Variants in MAGI2 observed in about 807,000 individuals in gnomAD.
MAGI2 encodes membrane associated guanylate kinase, WW and PDZ domain containing 2, also known as membrane-associated guanylate kinase, WW and PDZ domain-containing protein 2.
Under a neutral mutation model 133.3 loss-of-function variants are expected in MAGI2, and 35 were observed. The observed-to-expected ratio is 0.26, with a 90% CI of 0.20 to 0.35. The LOEUF is 0.35. Ranked by LOEUF, MAGI2 falls within the 10% of genes least tolerant of loss-of-function variation. MAGI2 has a pLI of 1.00. For missense variants in MAGI2, 1,636 were observed against 1,863.4 expected (o/e 0.88, Z 2.25); for synonymous variants, 729 against 710.6 (o/e 1.03, Z -0.41).
At chr7:78,203,000 A>G (rs1829406145) in intron 10 of MAGI2, among the ~76,000 whole-genome samples, 1 of 152,240 alleles carries the variant, frequency 6.6e-6, no homozygotes, top group Admixed American at 6.5e-5. Flanking sequence ...AAACAATTTG[A>G]CCATGAGTTT....
At chr7:79,169,190 GT>G (rs1406211390) in intron 1 of MAGI2, among the ~76,000 whole-genome samples, 5 of 151,864 alleles carry the variant, frequency 3.3e-5, no homozygotes, top group Non-Finnish European at 7.4e-5. Context: ...CTCCATAAAT[GT>G]TGGTATTCCT....
At chr7:79,215,679 T>C (rs1345985666) in intron 1 of MAGI2, among the ~76,000 whole-genome samples, 1 of 151,980 alleles carries the variant, frequency 6.6e-6, no homozygotes, top group East Asian at 1.9e-4. Flanking sequence ...CCCCTATTTC[T>C]GGACTGAACC....
At chr7:78,340,717 C>T (rs1790281666) in intron 9 of MAGI2, among the ~76,000 whole-genome samples, 1 of 152,136 alleles carries the variant, frequency 6.6e-6, no homozygotes, top group Non-Finnish European at 1.5e-5. Flanking sequence ...ACATGATTAT[C>T]TCAAAAGATG....
chr7:78,707,741 T>C (rs1173898290), intron 2 of MAGI2, among the ~76,000 whole-genome samples: 2 of 152,112 alleles, frequency 1.3e-5, no homozygotes, highest in Non-Finnish European at 1.5e-5. Context: ...TTTTTGTGTT[T>C]ATTGCTTTAA....
At chr7:79,101,723 C>CAAAAAAAAAAAAA (rs376256842) in intron 1 of MAGI2, among the ~76,000 whole-genome samples, 5 of 112,702 alleles carry the variant, frequency 4.4e-5, no homozygotes, top group Non-Finnish European at 6.7e-5. Flanking sequence ...GACTCTGTCA[C>CAAAAAAAAAAAAA]AAAAAAAAAA....
intron 3 of MAGI2, among the ~76,000 whole-genome samples, chr7:78,624,257 G>A (rs1584883138): frequency 6.6e-6 from 1 of 152,024 alleles, no homozygotes; most frequent in Non-Finnish European, 1.5e-5. Context: ...CTCCCATTCT[G>A]TAGGTTGTCT....
Position 78,281,642 on chromosome 7 carries a change from C to G in MAGI2, c.1409-25061G>C, listed in dbSNP as rs1181488123. Among the ~76,000 whole-genome samples, 20 of 151,290 alleles carry G rather than the reference C, an allele frequency of 1.3e-4. No homozygotes were observed. The Admixed American group carries it at 1.3e-3, about 10-fold the overall frequency. On this transcript the variant is annotated intron_variant, in intron 9 of 21. Transcript: ENST00000354212. Reference sequence around the variant, plus strand: ...ATGGACTAATACACATACATACTCTCTCATTCTAAATACAGTCACAAGTAG... The same window carrying G: ...ATGGACTAATACACATACATACTCTGTCATTCTAAATACAGTCACAAGTAG...
intron 1 of MAGI2, among the ~76,000 whole-genome samples, chr7:79,183,471 G>T (rs1490322522): frequency 6.6e-6 from 1 of 151,576 alleles, no homozygotes. Context: ...TAAAAAAATT[G>T]TTTTCTTATT....
At chr7:78,340,496 A>G (rs574462758) in intron 9 of MAGI2, among the ~76,000 whole-genome samples, 19 of 152,340 alleles carry the variant, frequency 1.2e-4, no homozygotes, top group African/African-American at 4.6e-4. Context: ...TGGCAGAGAT[A>G]CAACAAAAAA....
intron 3 of MAGI2, among the ~76,000 whole-genome samples, chr7:78,612,488 GAATA>G (rs1446247299): frequency 1.3e-5 from 2 of 151,964 alleles, no homozygotes; most frequent in Non-Finnish European, 2.9e-5. Context: ...TAGAAAACAA[GAATA>G]AATGAAAACA....
At chr7:78,976,525 C>G (rs1285877659) in intron 2 of MAGI2, among the ~76,000 whole-genome samples, 1 of 151,326 alleles carries the variant, frequency 6.6e-6, no homozygotes, top group Non-Finnish European at 1.5e-5. Flanking sequence ...TGGATGCCTT[C>G]CCTCTGAGAT....
At chr7:78,948,472 T>C (rs1801610736) in intron 2 of MAGI2, among the ~76,000 whole-genome samples, 3 of 152,052 alleles carry the variant, frequency 2.0e-5, no homozygotes, top group Admixed American at 2.0e-4. Flanking sequence ...TGAGATTACT[T>C]TGGTTCACTG....
At chr7:78,641,579 T>C (rs1234173719) in intron 2 of MAGI2, among the ~76,000 whole-genome samples, 1 of 152,192 alleles carries the variant, frequency 6.6e-6, no homozygotes, top group Non-Finnish European at 1.5e-5. Context: ...TTTGTACTTG[T>C]AAATCAACAA....
At chr7:79,400,777 T>C (rs1044377127) in intron 1 of MAGI2, among the ~76,000 whole-genome samples, 2 of 152,166 alleles carry the variant, frequency 1.3e-5, no homozygotes, top group African/African-American at 4.8e-5. Flanking sequence ...TCTAATACTA[T>C]AGTTATGTGG....
intron 3 of MAGI2, among the ~76,000 whole-genome samples, chr7:78,593,109 C>T (rs1436561183): frequency 7.1e-6 from 1 of 139,888 alleles, no homozygotes; most frequent in African/African-American, 2.7e-5. Flanking sequence ...GCGTGAACCA[C>T]CGCACCTGGC....
intron 3 of MAGI2, among the ~76,000 whole-genome samples, chr7:78,531,110 A>G (rs1436709001): frequency 6.6e-6 from 1 of 152,228 alleles, no homozygotes; most frequent in African/African-American, 2.4e-5. Flanking sequence ...ACGGTACTGA[A>G]TAAAAAATAA....
At chr7:78,882,377 A>G (rs1406557621) in intron 2 of MAGI2, among the ~76,000 whole-genome samples, 1 of 151,706 alleles carries the variant, frequency 6.6e-6, no homozygotes, top group Non-Finnish European at 1.5e-5. Context: ...GTCATAAAAA[A>G]CCTGCCAACC....
chr7:78,494,271 A>G (rs1483522572), intron 5 of MAGI2, among the ~76,000 whole-genome samples: 1 of 152,094 alleles, frequency 6.6e-6, no homozygotes, highest in Non-Finnish European at 1.5e-5. Flanking sequence ...ATCACTTTCA[A>G]ATCAAATTTT....
intron 1 of MAGI2, among the ~76,000 whole-genome samples, chr7:79,247,442 T>A (rs1832905010): frequency 6.6e-6 from 1 of 152,004 alleles, no homozygotes; most frequent in African/African-American, 2.4e-5. Flanking sequence ...TGGTGAGACC[T>A]CGTCTCTAAA....
Sources: allele counts gnomAD v4.1 joint callset (sites outside exome capture counted in the v4.1 genomes callset), GRCh38; gene constraint gnomAD v4.1.1; transcripts MANE v1.5; gene names NCBI Gene and HGNC (gene_info 2026-07-23, HGNC 2026-07-21).